OSBPL10: variants seen among roughly 807,000 people sequenced by gnomAD.
The protein encoded by OSBPL10 is oxysterol-binding protein-related protein 10.
In OSBPL10, 49 loss-of-function variants were observed where a neutral mutation model predicts 81.7. The ratio of observed to expected loss-of-function variants is 0.60; its 90% CI spans 0.48 to 0.76. The LOEUF is 0.76. Ranked by LOEUF, OSBPL10 falls within the 30% of genes least tolerant of loss-of-function variation. The probability of loss-of-function intolerance (pLI) is 0.00; values close to 1 mark genes in which losing one functional copy is unlikely to be tolerated. For synonymous variants in OSBPL10, 419 were observed against 383.6 expected, an observed-to-expected ratio of 1.09 and a Z score of -1.08; for missense variants, 923 against 987.8, an observed-to-expected ratio of 0.93 and a Z score of 0.88.
chr3:31,984,189 G>A (rs1040533471), upstream of OSBPL10, among the ~76,000 whole-genome samples: 3 of 152,048 alleles, frequency 2.0e-5, no homozygotes, highest in Non-Finnish European at 4.4e-5. Flanking sequence ...ACAGGCACCT[G>A]CCACCATGCC....
intron 1 of OSBPL10, among the ~76,000 whole-genome samples, chr3:32,074,487 A>C (rs1322206740): frequency 3.3e-5 from 5 of 152,178 alleles, no homozygotes; most frequent in African/African-American, 9.7e-5. Flanking sequence ...ACTTCACGTT[A>C]CTGATAAGCC....
At chr3:31,720,826 G>T (rs73053306) in intron 6 of OSBPL10, among the ~76,000 whole-genome samples, 1 of 143,120 alleles carries the variant, frequency 7.0e-6, no homozygotes, top group East Asian at 2.0e-4. Context: ...CTTGAACCTG[G>T]AGCCAAGATC....
At chr3:31,855,183 G>C (rs779871441) in intron 3 of OSBPL10, among the ~76,000 whole-genome samples, 1 of 142,386 alleles carries the variant, frequency 7.0e-6, no homozygotes, top group Non-Finnish European at 1.6e-5. Context: ...TGCCACCCTG[G>C]CTAATTTTTA....
chr3:31,989,448 C>T (rs753185766), intron 2 of OSBPL10: 1 of 1,614,148 alleles, frequency 6.2e-7, no homozygotes, highest in South Asian at 1.1e-5. Flanking sequence ...AAAGAAATAG[C>T]CATGAAGCAA....
chr3:31,745,299 T>C (rs185136282), intron 5 of OSBPL10, among the ~76,000 whole-genome samples: 1 of 152,276 alleles, frequency 6.6e-6, no homozygotes, highest in East Asian at 1.9e-4. Context: ...TCAAAAGAAA[T>C]ACACACTGAA....
At chr3:31,678,689 C>T (rs1259791354) in intron 8 of OSBPL10, among the ~76,000 whole-genome samples, 7 of 151,978 alleles carry the variant, frequency 4.6e-5, no homozygotes, top group South Asian at 2.1e-4. Flanking sequence ...CCTTGACAAG[C>T]GGCAACAAGC....
intron 6 of OSBPL10, among the ~76,000 whole-genome samples, chr3:31,728,797 T>C (rs1288654845): frequency 6.6e-6 from 1 of 152,210 alleles, no homozygotes; most frequent in Non-Finnish European, 1.5e-5. Context: ...AACTGTTCTA[T>C]ACAGGTTGAG....
intron 1 of OSBPL10, among the ~76,000 whole-genome samples, chr3:31,915,693 C>T (rs929151924): frequency 5.3e-5 from 8 of 152,090 alleles, no homozygotes; most frequent in African/African-American, 1.7e-4. Context: ...ATACCTCAAA[C>T]GTGAGCATCA....
chr3:31,744,879 A>T (rs7614865), intron 5 of OSBPL10, among the ~76,000 whole-genome samples: 2 of 152,064 alleles, frequency 1.3e-5, no homozygotes, highest in African/African-American at 4.8e-5. Flanking sequence ...ATTCAAGCTT[A>T]TATTTACTAG....
intron 8 of OSBPL10, among the ~76,000 whole-genome samples, chr3:31,676,782 G>T (rs1700488008): frequency 6.6e-6 from 1 of 152,256 alleles, no homozygotes; most frequent in African/African-American, 2.4e-5. Context: ...GGGCTGCAAA[G>T]AGCAGCTGAA....
intron 2 of OSBPL10, among the ~76,000 whole-genome samples, chr3:32,006,770 G>A (rs562735453): frequency 1.1e-4 from 16 of 152,198 alleles, no homozygotes; most frequent in African/African-American, 2.9e-4. Context: ...CTGCCCCATC[G>A]GGCTATTTAC....
At chr3:31,696,770 T>C (rs1331295254) in intron 7 of OSBPL10, among the ~76,000 whole-genome samples, 1 of 152,258 alleles carries the variant, frequency 6.6e-6, no homozygotes, top group Non-Finnish European at 1.5e-5. Context: ...TCATCCAGCC[T>C]CACGGCTTTG....
intron 6 of OSBPL10, among the ~76,000 whole-genome samples, chr3:31,720,105 T>C (rs552064118): frequency 1.8e-4 from 27 of 150,882 alleles, no homozygotes; most frequent in African/African-American, 6.5e-4. Flanking sequence ...TAAAAACAAA[T>C]TTCCCATAAA....
At chr3:31,957,317 G>C (rs184079711) in intron 1 of OSBPL10, among the ~76,000 whole-genome samples, 1 of 152,018 alleles carries the variant, frequency 6.6e-6, no homozygotes, top group Admixed American at 6.5e-5. Context: ...CTTTGACTCA[G>C]TTACGATAAA....
At chr3:31,971,685 A>G (rs753121901) in intron 1 of OSBPL10, among the ~76,000 whole-genome samples, 25 of 152,230 alleles carry the variant, frequency 1.6e-4, no homozygotes, top group Non-Finnish European at 4.4e-5. Context: ...TACTTGCATA[A>G]GAAATCTAAG....
intron 1 of OSBPL10, among the ~76,000 whole-genome samples, chr3:31,915,491 G>A (rs1250128594): frequency 2.6e-5 from 4 of 152,252 alleles, no homozygotes; most frequent in East Asian, 1.9e-4. Context: ...ATTATCCCAA[G>A]CGAATTAATG....
chr3:31,844,588 G>C (rs1352392142), intron 3 of OSBPL10, among the ~76,000 whole-genome samples: 1 of 152,188 alleles, frequency 6.6e-6, no homozygotes, highest in East Asian at 1.9e-4. Context: ...GAAATAATCA[G>C]AATAGTAAAT....
intron 3 of OSBPL10, among the ~76,000 whole-genome samples, chr3:31,844,294 G>A (rs1215137069): frequency 6.6e-6 from 1 of 152,186 alleles, no homozygotes; most frequent in Admixed American, 6.5e-5. Context: ...CCCAAAGACT[G>A]AGGAATAAGA....
At chr3:31,805,933 T>G (rs4511936) in intron 4 of OSBPL10, among the ~76,000 whole-genome samples, 1 of 152,040 alleles carries the variant, frequency 6.6e-6, no homozygotes, top group African/African-American at 2.4e-5. Flanking sequence ...AGCTCTACAC[T>G]TGTCTTTCTC....
Sources: gnomAD v4.1 joint callset for allele counts (sites outside exome capture counted in the v4.1 genomes callset) on GRCh38, gnomAD v4.1.1 for gene constraint, MANE v1.5 for transcripts, NCBI Gene and HGNC (gene_info 2026-07-23, HGNC 2026-07-21) for gene names.